Variants in ST8SIA4 observed in about 807,000 individuals in gnomAD.
ST8SIA4 encodes the protein CMP-N-acetylneuraminate-poly-alpha-2,8-sialyltransferase.
ST8SIA4 carries 15 observed loss-of-function variants against 33.9 expected under a neutral mutation model. The ratio of observed to expected loss-of-function variants is 0.44; its 90% CI spans 0.30 to 0.68. The LOEUF is 0.68. Among genes scored for constraint, ST8SIA4 ranks in the 30% least tolerant of loss-of-function variants. ST8SIA4 has a pLI of 0.10. For missense variants in ST8SIA4, 321 were observed against 428.0 expected (o/e 0.75, Z 2.21); for synonymous variants, 171 against 151.2 (o/e 1.13, Z -0.96).
chr5:100,829,767 A>T (rs1035684799), intron 4 of ST8SIA4, among the ~76,000 whole-genome samples: 1 of 151,978 alleles, frequency 6.6e-6, no homozygotes, highest in African/African-American at 2.4e-5. Context: ...AATTAGCCGG[A>T]CGTGGTGGTG....
At chr5:100,835,655 G>A (rs540124764) in intron 4 of ST8SIA4, among the ~76,000 whole-genome samples, 2 of 152,246 alleles carry the variant, frequency 1.3e-5, no homozygotes, top group South Asian at 4.1e-4. Flanking sequence ...TATAGATGCT[G>A]TGGTTGCCAA....
chr5:100,872,293 T>C (rs1334178778), intron 3 of ST8SIA4, among the ~76,000 whole-genome samples: 1 of 152,112 alleles, frequency 6.6e-6, no homozygotes, highest in Admixed American at 6.6e-5. Context: ...TCAAGGTAAT[T>C]ACCATATTCA....
At chr5:100,817,336 A>G (rs1750950189) in intron 4 of ST8SIA4, among the ~76,000 whole-genome samples, 1 of 151,980 alleles carries the variant, frequency 6.6e-6, no homozygotes, top group Non-Finnish European at 1.5e-5. Flanking sequence ...GAGTCACCCC[A>G]GAAACCTAAT....
At chr5:100,875,665 A>C (rs539509518) in intron 3 of ST8SIA4, among the ~76,000 whole-genome samples, 1 of 152,310 alleles carries the variant, frequency 6.6e-6, no homozygotes, top group Non-Finnish European at 1.5e-5. Flanking sequence ...GGCACTGTTC[A>C]TGACTGGCTC....
chr5:100,885,407 T>C (rs2112471569), intron 3 of ST8SIA4: 1 of 951,760 alleles, frequency 1.1e-6, no homozygotes, highest in East Asian at 1.2e-4. Context: ...TTAAAAGTAG[T>C]TACCTATTTA....
At chr5:100,877,562 C>T (rs539829487) in intron 3 of ST8SIA4, among the ~76,000 whole-genome samples, 1 of 152,104 alleles carries the variant, frequency 6.6e-6, no homozygotes, top group South Asian at 2.1e-4. Context: ...AATGAAGTGA[C>T]TGGTTTATGT....
intron 3 of ST8SIA4, among the ~76,000 whole-genome samples, chr5:100,871,043 G>A (rs1752188043): frequency 6.6e-6 from 1 of 152,086 alleles, no homozygotes; most frequent in Non-Finnish European, 1.5e-5. Context: ...AGACTTGGCT[G>A]TCTATCATGA....
intron 3 of ST8SIA4, among the ~76,000 whole-genome samples, chr5:100,859,990 A>AATTTTTTAATTCTAC (rs1207185321): frequency 3.9e-5 from 6 of 152,250 alleles, no homozygotes; most frequent in African/African-American, 1.4e-4. Flanking sequence ...TAATCTATCC[A>AATTTTTTAATTCTAC]ATTTTTTAAT....
intron 4 of ST8SIA4, among the ~76,000 whole-genome samples, chr5:100,846,602 G>T (rs726971): frequency 2.6e-5 from 4 of 151,714 alleles, no homozygotes; most frequent in African/African-American, 7.3e-5. Context: ...ATGCCCAATT[G>T]AAACTTAACC....
intron 4 of ST8SIA4, among the ~76,000 whole-genome samples, chr5:100,850,082 C>T (rs1000328066): frequency 8.6e-5 from 13 of 152,018 alleles, no homozygotes; most frequent in African/African-American, 3.1e-4. Context: ...TAGTTTTTGC[C>T]ATTACTTTCA....
At chr5:100,857,924 TCCA>T (rs1751852955) in intron 3 of ST8SIA4, among the ~76,000 whole-genome samples, 1 of 152,042 alleles carries the variant, frequency 6.6e-6, no homozygotes, top group Non-Finnish European at 1.5e-5. Flanking sequence ...TTTAATTACA[TCCA>T]CTATATTATA....
chr5:100,870,541 T>C (rs1394597694), intron 3 of ST8SIA4, among the ~76,000 whole-genome samples: 1 of 152,182 alleles, frequency 6.6e-6, no homozygotes, highest in African/African-American at 2.4e-5. Context: ...TAAAAATCTT[T>C]GTTAGACTGA....
At position 100,876,593 on chromosome 5, in the gene ST8SIA4, T is replaced by C. The variant is rs1463357638; in HGVS notation, c.503+9750A>G. Among the ~76,000 whole-genome samples, 6 of 152,120 alleles carry C rather than the reference T, an allele frequency of 3.9e-5. No homozygotes were observed. In the East Asian group the frequency reaches 7.7e-4, roughly 20 times the overall value. ...TAGCCAATCTTCTTTCTTTGAAACA[T>C]GGTATTTGCTATTTAAGGAATCTCG... On this transcript the variant is annotated intron_variant, in intron 3 of 4. Coordinates refer to ENST00000231461, the MANE Select transcript of ST8SIA4 (RefSeq NM_005668.6).
chr5:100,893,551 G>GTAA (rs1752717618), intron 2 of ST8SIA4, among the ~76,000 whole-genome samples: 1 of 152,018 alleles, frequency 6.6e-6, no homozygotes, highest in African/African-American at 2.4e-5. Context: ...TTGTAAAATT[G>GTAA]TAATACGAAT....
At chr5:100,819,083 C>A (rs1462725180) in intron 4 of ST8SIA4, among the ~76,000 whole-genome samples, 2 of 152,178 alleles carry the variant, frequency 1.3e-5, no homozygotes, top group South Asian at 4.1e-4. Context: ...TAGTTTCAAA[C>A]CACTTTCACA....
chr5:100,849,166 T>A, intron 4 of ST8SIA4: 1 of 984,832 alleles, frequency 1.0e-6, no homozygotes, highest in Non-Finnish European at 1.2e-6. Context: ...AGGACAAGAG[T>A]TTTTTTGTGA....
intron 3 of ST8SIA4, among the ~76,000 whole-genome samples, chr5:100,871,783 A>G (rs1752201841): frequency 6.6e-6 from 1 of 152,088 alleles, no homozygotes; most frequent in Admixed American, 6.6e-5. Flanking sequence ...TTTCTTTACT[A>G]TGTTCTCATC....
At chr5:100,847,464 GA>G (rs1233417244) in intron 4 of ST8SIA4, among the ~76,000 whole-genome samples, 1 of 152,080 alleles carries the variant, frequency 6.6e-6, no homozygotes, top group Non-Finnish European at 1.5e-5. Context: ...TTATCCTGCA[GA>G]AGGTCATCTT....
chr5:100,885,636 G>T, intron 3 of ST8SIA4: 1 of 937,974 alleles, frequency 1.1e-6, no homozygotes, highest in Non-Finnish European at 1.3e-6. Context: ...AAACTGTACA[G>T]ATATAAAAAT....
Sources: allele counts gnomAD v4.1 joint callset (sites outside exome capture counted in the v4.1 genomes callset), GRCh38; gene constraint gnomAD v4.1.1; transcripts MANE v1.5; gene names NCBI Gene and HGNC (gene_info 2026-07-23, HGNC 2026-07-21).